KALRN: variants seen among roughly 807,000 people sequenced by gnomAD.
The protein encoded by KALRN is kalirin.
A neutral mutation model predicts 353.7 loss-of-function variants in KALRN; 70 were observed. That is an observed-to-expected ratio of 0.20 (90% CI 0.16 to 0.24). The LOEUF (loss-of-function observed/expected upper bound fraction) is 0.24, where lower values mean the gene tolerates loss of function less well. KALRN is among the 10% of genes least tolerant of loss of function. KALRN has a pLI of 1.00. For synonymous variants in KALRN, 1,391 were observed against 1,434.8 expected (o/e 0.97, Z 0.69); for missense variants, 2,791 against 3,756.7 (o/e 0.74, Z 6.72).
intron 7 of KALRN, 55 bp downstream of exon 7, chr3:124,326,226 C>A: frequency 6.7e-7 from 1 of 1,495,688 alleles, no homozygotes. Flanking sequence ...TGGGCATGGG[C>A]AGGGGAGGGC....
At chr3:124,222,526 T>C (rs1301479191) in intron 1 of KALRN, among the ~76,000 whole-genome samples, 1 of 152,184 alleles carries the variant, frequency 6.6e-6, no homozygotes, top group Non-Finnish European at 1.5e-5. Flanking sequence ...GAGGCAACTC[T>C]GGAATGGAAA....
intron 1 of KALRN, among the ~76,000 whole-genome samples, chr3:124,064,586 A>G (rs2042208134): frequency 6.6e-6 from 1 of 152,170 alleles, no homozygotes; most frequent in Non-Finnish European, 1.5e-5. Flanking sequence ...CCCACCGCAC[A>G]CACTGCCCAC....
At chr3:124,481,778 C>A (rs2108225944) in intron 27 of KALRN, among the ~76,000 whole-genome samples, 1 of 152,346 alleles carries the variant, frequency 6.6e-6, no homozygotes, top group Non-Finnish European at 1.5e-5. Flanking sequence ...CCCACCCCCA[C>A]TGCCCACCTC....
At chr3:124,602,494 C>T (rs1187557131) in intron 34 of KALRN, among the ~76,000 whole-genome samples, 2 of 152,098 alleles carry the variant, frequency 1.3e-5, no homozygotes, top group Non-Finnish European at 2.9e-5. Context: ...CAACCTAGGA[C>T]CTGTAGTCTA....
intron 3 of KALRN, among the ~76,000 whole-genome samples, chr3:124,256,852 G>A (rs534582424): frequency 6.6e-6 from 1 of 152,196 alleles, no homozygotes; most frequent in East Asian, 1.9e-4. Flanking sequence ...TGATTTCATG[G>A]CAACTTAGAG....
rs1578020001 is a variant in KALRN at position 124,565,158 on chromosome 3, T to G, written c.5182+2069T>G. The stretch of plus-strand genomic sequence containing the variant: ...CAGCAGCAGGCTGAATTGTTTGTGC[T>G]GCATCCAGCCTTCCAGGGTTTTTTC... On this transcript the variant is annotated intron_variant, in intron 34 of 59. Coordinates refer to ENST00000682506, the MANE Select transcript of KALRN (RefSeq NM_001388419.1). 2.6e-5 allele frequency among the ~76,000 whole-genome samples: 4 copies of G among 152,364 alleles called. No homozygotes were observed. The Middle Eastern group carries it at 0.01, about 389-fold the overall frequency.
At chr3:124,249,601 G>C (rs939395315) in intron 3 of KALRN, among the ~76,000 whole-genome samples, 2 of 152,144 alleles carry the variant, frequency 1.3e-5, no homozygotes, top group South Asian at 4.1e-4. Flanking sequence ...CATAGACCCT[G>C]CCTGTGGGAC....
chr3:124,518,295 G>A (rs2066850810), intron 33 of KALRN: 1 of 947,246 alleles, frequency 1.1e-6, no homozygotes, highest in Non-Finnish European at 1.7e-6. Flanking sequence ...AATACAGTAG[G>A]TTGCACTGAT....
intron 33 of KALRN, among the ~76,000 whole-genome samples, chr3:124,543,831 T>C (rs1317885691): frequency 1.3e-5 from 2 of 152,102 alleles, no homozygotes; most frequent in African/African-American, 2.4e-5. Context: ...GAGAACAGTA[T>C]AAGAAAAGAA....
At chr3:124,422,148 C>T (rs1272009442) in intron 14 of KALRN, among the ~76,000 whole-genome samples, 1 of 152,092 alleles carries the variant, frequency 6.6e-6, no homozygotes, top group African/African-American at 2.4e-5. Context: ...TGTGGTATTG[C>T]TGGGTTGTAT....
At chr3:124,296,193 C>G (rs1317663770) in intron 5 of KALRN, among the ~76,000 whole-genome samples, 1 of 152,186 alleles carries the variant, frequency 6.6e-6, no homozygotes, top group Non-Finnish European at 1.5e-5. Flanking sequence ...AGACACAAAT[C>G]TAACTGCCTA....
At chr3:124,342,405 G>T (rs1419703805) in intron 9 of KALRN, among the ~76,000 whole-genome samples, 1 of 152,184 alleles carries the variant, frequency 6.6e-6, no homozygotes, top group Non-Finnish European at 1.5e-5. Flanking sequence ...GTGAGAACAT[G>T]TGATATTTGT....
chr3:124,601,534 TA>T (rs1561391147), intron 34 of KALRN, among the ~76,000 whole-genome samples: 1 of 152,190 alleles, frequency 6.6e-6, no homozygotes, highest in Non-Finnish European at 1.5e-5. Flanking sequence ...CAATTGTTAT[TA>T]AAAAGAGATG....
chr3:124,464,662 A>T (rs2060155972), intron 25 of KALRN, among the ~76,000 whole-genome samples: 1 of 152,186 alleles, frequency 6.6e-6, no homozygotes, highest in Admixed American at 6.5e-5. Context: ...AGAAGATGCC[A>T]CAAAAATTAA....
chr3:124,474,852 C>T (rs980379793), intron 26 of KALRN, 120 bp downstream of exon 26: 3 of 796,638 alleles, frequency 3.8e-6, no homozygotes, highest in South Asian at 2.8e-5. Context: ...TGAGAGGGAC[C>T]ATGAGTAGGT....
At chr3:124,584,663 C>T in intron 34 of KALRN, 1 of 1,414,786 alleles carries the variant, frequency 7.1e-7, no homozygotes, top group Non-Finnish European at 9.2e-7. Flanking sequence ...GTGGCAGTGG[C>T]TCCCAGTAAG....
intron 37 of KALRN, among the ~76,000 whole-genome samples, chr3:124,638,791 C>CTGTCTTA (rs1158435518): frequency 6.6e-6 from 1 of 152,122 alleles, no homozygotes; most frequent in Non-Finnish European, 1.5e-5. Context: ...AGACAACTTA[C>CTGTCTTA]TGGGGTATGG....
chr3:124,329,780 GT>G (rs2080318046), intron 7 of KALRN, 80 bp from the exon 8 acceptor site: 1 of 1,491,820 alleles, frequency 6.7e-7, no homozygotes, highest in African/African-American at 1.4e-5. Flanking sequence ...TCTTCCCAAG[GT>G]ATCTGACCCT....
At chr3:124,485,810 G>A (rs933357960) in intron 28 of KALRN, among the ~76,000 whole-genome samples, 4 of 152,168 alleles carry the variant, frequency 2.6e-5, no homozygotes, top group African/African-American at 7.2e-5. Flanking sequence ...AACCCAGGAG[G>A]CGGAGGTTGC....
Sources: allele counts gnomAD v4.1 joint callset (sites outside exome capture counted in the v4.1 genomes callset), GRCh38; gene constraint gnomAD v4.1.1; transcripts MANE v1.5; gene names NCBI Gene and HGNC (gene_info 2026-07-23, HGNC 2026-07-21).